Variants in COL5A1 observed in about 807,000 individuals in gnomAD.
COL5A1 encodes the protein collagen type V alpha 1 chain, also known as collagen alpha-1(V) chain.
Under a neutral mutation model 263.7 loss-of-function variants are expected in COL5A1, and 16 were observed. That is an observed-to-expected ratio of 0.06 (90% CI 0.04 to 0.09). The LOEUF is 0.09. COL5A1 is among the 10% of genes least tolerant of loss of function. The pLI is 1.00. For missense variants in COL5A1, 2,036 were observed against 2,540.5 expected (o/e 0.80, Z 4.27); for synonymous variants, 1,012 against 1,004.5 (o/e 1.01, Z -0.14).
rs373762865 is a variant in COL5A1 at position 134,823,400 on chromosome 9, T to C, written c.4645-16T>C. 121 of 1,614,038 alleles carry C rather than the reference T, an allele frequency of 7.5e-5. No homozygotes were observed. The highest frequency in any genetic ancestry group is 9.7e-5 in the Non-Finnish European group (115 of 1,179,970). On this transcript the variant is annotated splice_polypyrimidine_tract_variant and intron_variant, in intron 60 of 65. Coordinates refer to ENST00000371817, the MANE Select transcript of COL5A1 (RefSeq NM_000093.5). The stretch of plus-strand genomic sequence containing the variant: ...TACCTCTGTGACCAAGGGTTGATTC[T>C]TTTCTTTCTCCCCAGGGTCCAACTG...
chr9:134,804,421 A>C (rs1293754258), intron 39 of COL5A1, among the ~76,000 whole-genome samples: 1 of 152,228 alleles, frequency 6.6e-6, no homozygotes, highest in Non-Finnish European at 1.5e-5. Context: ...TTAAGTGATA[A>C]GTCCATTTAG....
chr9:134,801,865 TG>T (rs898716069), intron 37 of COL5A1, 88 bp from the exon 38 acceptor site: 13 of 1,044,264 alleles, frequency 1.2e-5, no homozygotes, highest in East Asian at 1.1e-4. Context: ...GGAAGGGAGG[TG>T]GGGGGCAAGC....
chr9:134,795,891 C>T (rs1422159751), intron 34 of COL5A1, among the ~76,000 whole-genome samples: 1 of 152,230 alleles, frequency 6.6e-6, no homozygotes, highest in Non-Finnish European at 1.5e-5. Flanking sequence ...AGGGGCCGAG[C>T]TGGCCCGTCC....
intron 11 of COL5A1, among the ~76,000 whole-genome samples, chr9:134,740,544 C>T (rs78749755): frequency 6.6e-6 from 1 of 152,238 alleles, no homozygotes; most frequent in African/African-American, 2.4e-5. Context: ...ACAGGGCACC[C>T]AGATGCTGAC....
intron 27 of COL5A1, among the ~76,000 whole-genome samples, chr9:134,777,345 C>T (rs1227451784): frequency 1.3e-5 from 2 of 152,212 alleles, no homozygotes; most frequent in African/African-American, 2.4e-5. Flanking sequence ...GCTGGCCGGC[C>T]GAGTCACGGA....
rs2132455041 is a variant in COL5A1, at chr9:134,642,262, G to A, written c.75G>A (p.Leu25=). 2.4e-6 allele frequency: 3 copies of A among 1,244,092 alleles called. No individual in the cohort carries two copies. Among genetic ancestry groups the A allele is most frequent in the Non-Finnish European group, 3.0e-6 (3 of 988,576 alleles). 77.1% of individuals were successfully genotyped at this position (1,244,092 alleles called of 1,614,324 possible). A position where few individuals can be genotyped will look rare whatever the true frequency, so the allele number is the denominator to read the frequency against. ...CCCCGCTGCTGCCCCCGCTGCTGCT[G>A]CTGCTGCTGTGGGCGCCGCCTCCGA... The part of the protein sequence containing the change: ...PGAPLLPPLL[L]LLLWAPPPSR... Residue 25 remains leucine (L), a synonymous_variant, in exon 1 of 66, where the codon CTG becomes CTA. Coordinates refer to ENST00000371817, the MANE Select transcript of COL5A1 (RefSeq NM_000093.5). The surrounding 1 kb of genome is among the most constrained non-coding windows in gnomAD (Gnocchi z 4.5).
chr9:134,762,320 C>T, intron 19 of COL5A1, among the ~76,000 whole-genome samples: 1 of 152,232 alleles, frequency 6.6e-6, no homozygotes. Context: ...CTCAGCGTCT[C>T]TGCTTATCTC....
At chr9:134,704,089 T>G (rs1158570360) in intron 4 of COL5A1, among the ~76,000 whole-genome samples, 1 of 152,170 alleles carries the variant, frequency 6.6e-6, no homozygotes, top group Admixed American at 6.5e-5. Flanking sequence ...TTCATTGATA[T>G]TCTAACTGAG....
At chr9:134,724,264 G>A (rs1440245859) in intron 4 of COL5A1, among the ~76,000 whole-genome samples, 1 of 152,230 alleles carries the variant, frequency 6.6e-6, no homozygotes, top group Non-Finnish European at 1.5e-5. Flanking sequence ...CTGCATACAA[G>A]GAGTTTTGCC....
intron 1 of COL5A1, chr9:134,649,443 C>G (rs199548998): frequency 2.2e-6 from 1 of 463,870 alleles, no homozygotes; most frequent in South Asian, 1.6e-5. Flanking sequence ...GCCTATTTGC[C>G]GAGATGTCTC....
In COL5A1 at chr9:134,696,954, C is replaced by T. The variant is rs1424818214; in HGVS notation, c.278-2955C>T. 1.3e-5 allele frequency among the ~76,000 whole-genome samples: 2 copies of T among 152,016 alleles called. No homozygotes were observed. The highest frequency in any genetic ancestry group is 2.9e-5 in the Non-Finnish European group (2 of 67,994). ...GGCTTGGTGGCGGGTGCCTGTAGTC[C>T]CAGCTACTCGGGAGGCTGAGGCAGG... On this transcript the variant is annotated intron_variant, in intron 2 of 65. Transcript: ENST00000371817. The surrounding 1 kb of genome is among the most constrained non-coding windows in gnomAD (Gnocchi z 4.3).
At chr9:134,707,274 T>C (rs1336399438) in intron 4 of COL5A1, among the ~76,000 whole-genome samples, 2 of 152,192 alleles carry the variant, frequency 1.3e-5, no homozygotes, top group African/African-American at 2.4e-5. Flanking sequence ...AAACAGACTA[T>C]AAACTCCAGC....
chr9:134,721,619 C>A (rs1834460886), intron 4 of COL5A1, among the ~76,000 whole-genome samples: 1 of 152,194 alleles, frequency 6.6e-6, no homozygotes, highest in Non-Finnish European at 1.5e-5. Flanking sequence ...ACAGCCTTTC[C>A]CTCTGCTTCA....
chr9:134,837,781 A>G (rs1429726607), intron 65 of COL5A1, among the ~76,000 whole-genome samples: 1 of 151,964 alleles, frequency 6.6e-6, no homozygotes, highest in African/African-American at 2.4e-5. Context: ...GCCTCCAGAA[A>G]CACTCCCCAC....
intron 35 of COL5A1, 97 bp from the exon 36 acceptor site, chr9:134,796,751 C>A: frequency 1.8e-6 from 2 of 1,115,180 alleles, no homozygotes; most frequent in Non-Finnish European, 2.8e-6. Flanking sequence ...GAAGAAATGA[C>A]ACCTGCGTTC....
chr9:134,642,265 G>T lies in COL5A1; in HGVS notation c.78G>T (p.Leu26=), dbSNP rs1485738849. 1 of 1,220,514 alleles carries T rather than the reference G, an allele frequency of 8.2e-7. No individual in the cohort carries two copies. The highest frequency in any genetic ancestry group is 3.1e-5 in the South Asian group (1 of 32,378). 75.6% of individuals were successfully genotyped at this position (1,220,514 alleles called of 1,614,324 possible). The change falls in exon 1 of 66, where the codon CTG becomes CTT. Residue 26 remains leucine (L), a synonymous_variant. Transcript: ENST00000371817. This position sits in a 1 kb window ranked among gnomAD's most constrained non-coding sequence, Gnocchi z 4.5. ...GAPLLPPLLL[L]LLWAPPPSRA... ...CGCTGCTGCCCCCGCTGCTGCTGCT[G>T]CTGCTGTGGGCGCCGCCTCCGAGCC...
At chr9:134,752,194 T>C (rs1335323913) in intron 13 of COL5A1, among the ~76,000 whole-genome samples, 1 of 152,166 alleles carries the variant, frequency 6.6e-6, no homozygotes, top group Non-Finnish European at 1.5e-5. Context: ...ATGTCATGAC[T>C]CAGCTTGAGC....
At chr9:134,656,685 CAT>C (rs1225803177) in intron 1 of COL5A1, among the ~76,000 whole-genome samples, 4 of 151,950 alleles carry the variant, frequency 2.6e-5, no homozygotes, top group Non-Finnish European at 5.9e-5. Context: ...CAGATGGTAT[CAT>C]ATAATTCTTA....
rs1837831452 is a variant in COL5A1, at chr9:134,794,720, G to A, written c.2701-362G>A. ...CAATAATGATTTCCCTCCCTGCTGA[G>A]GACAGAGAGAGAAAGAGAGATGAGG... On this transcript the variant is annotated intron_variant, in intron 32 of 65. Coordinates refer to ENST00000371817, the MANE Select transcript of COL5A1 (RefSeq NM_000093.5). The surrounding 1 kb of genome is among the most constrained non-coding windows in gnomAD (Gnocchi z 4.3). 6.6e-6 allele frequency among the ~76,000 whole-genome samples: 1 copy of A among 151,620 alleles called. No homozygotes were observed. The highest frequency in any genetic ancestry group is 2.4e-5 in the African/African-American group (1 of 41,372).
Sources: gnomAD v4.1 joint callset for allele counts (sites outside exome capture counted in the v4.1 genomes callset) on GRCh38, gnomAD v4.1.1 for gene constraint, Gnocchi (gnomAD v3.1) non-coding constraint, MANE v1.5 for transcripts, NCBI Gene and HGNC (gene_info 2026-07-23, HGNC 2026-07-21) for gene names.